EYA4: variants seen among roughly 807,000 people sequenced by gnomAD.
EYA4 encodes protein phosphatase EYA4.
In EYA4, 31 loss-of-function variants were observed where a neutral mutation model predicts 87.9. That is an observed-to-expected ratio of 0.35 (90% CI 0.27 to 0.48). The LOEUF is 0.48. EYA4 is among the 20% of genes least tolerant of loss of function. EYA4 has a pLI of 0.99. For synonymous variants in EYA4, 263 were observed against 270.6 expected (o/e 0.97, Z 0.28); for missense variants, 678 against 761.4 (o/e 0.89, Z 1.29).
chr6:133,329,545 C>T (rs1464669918), intron 2 of EYA4, among the ~76,000 whole-genome samples: 1 of 151,956 alleles, frequency 6.6e-6, no homozygotes, highest in Non-Finnish European at 1.5e-5. Context: ...TCAGTTAATA[C>T]AAAAATCTCA....
At chr6:133,262,733 T>C (rs1440467675) in intron 1 of EYA4, among the ~76,000 whole-genome samples, 2 of 152,122 alleles carry the variant, frequency 1.3e-5, no homozygotes, top group African/African-American at 4.8e-5. Context: ...TGAACCCCAT[T>C]ATCATTTTTT....
rs1023404874 is a variant in EYA4, at chr6:133,402,380, G to C, written c.83+19939G>C. ...TTATATTATCTTTATTCTCTAAGTA[G>C]TTGCTCTTCGTTATTTATTCATTGG... On this transcript the variant is annotated intron_variant, in intron 3 of 19. Coordinates refer to ENST00000355286, the MANE Select transcript of EYA4 (RefSeq NM_004100.5). Among the ~76,000 whole-genome samples, 7 of 152,244 alleles carry C rather than the reference G, an allele frequency of 4.6e-5. 1 individual carries two copies. The highest frequency in any genetic ancestry group is 3.9e-4 in the Admixed American group (6 of 15,282).
chr6:133,503,787 AC>A lies in EYA4; in HGVS notation c.1192-2317del, dbSNP rs1191841528. ...AAATGTTTTTTTTTTAATTTACACA[AC>A]CTTTAGAGATTTTATTTCAACAAAA... is the stretch of plus-strand genomic sequence containing the variant. On this transcript the variant is annotated intron_variant, in intron 13 of 19. Coordinates refer to ENST00000355286, the MANE Select transcript of EYA4 (RefSeq NM_004100.5). 3.9e-5 allele frequency among the ~76,000 whole-genome samples: 6 copies of A among 152,066 alleles called. No individual in the cohort carries two copies. The East Asian group carries it at 9.6e-4, about 24-fold the overall frequency.
At chr6:133,473,120 C>A (rs1354551209) in intron 11 of EYA4, among the ~76,000 whole-genome samples, 2 of 151,946 alleles carry the variant, frequency 1.3e-5, no homozygotes, top group African/African-American at 4.8e-5. Flanking sequence ...GTATATTTTT[C>A]TGCCTTCAGT....
intron 2 of EYA4, among the ~76,000 whole-genome samples, chr6:133,282,756 G>A (rs1324167023): frequency 1.3e-5 from 2 of 152,150 alleles, no homozygotes; most frequent in African/African-American, 2.4e-5. Context: ...CTACATCCGA[G>A]CTCATTGGAA....
chr6:133,272,670 C>A (rs1348256369), intron 1 of EYA4, among the ~76,000 whole-genome samples: 1 of 152,120 alleles, frequency 6.6e-6, no homozygotes, highest in Non-Finnish European at 1.5e-5. Context: ...GGGGGCCTGG[C>A]AAAGGCTCCA....
At chr6:133,411,704 G>A (rs1789255814) in intron 3 of EYA4, among the ~76,000 whole-genome samples, 1 of 152,020 alleles carries the variant, frequency 6.6e-6, no homozygotes, top group African/African-American at 2.4e-5. Flanking sequence ...ATATATCAGA[G>A]CACATAATAA....
chr6:133,299,965 AT>A (rs1434811898), intron 2 of EYA4, among the ~76,000 whole-genome samples: 1 of 149,076 alleles, frequency 6.7e-6, no homozygotes, highest in East Asian at 2.0e-4. Context: ...CTATATATAT[AT>A]ATATCTTTTG....
At chr6:133,339,109 C>G (rs1380345843) in intron 2 of EYA4, among the ~76,000 whole-genome samples, 1 of 152,104 alleles carries the variant, frequency 6.6e-6, no homozygotes, top group East Asian at 1.9e-4. Context: ...TCATATGTCT[C>G]TACATAAGTT....
intron 3 of EYA4, among the ~76,000 whole-genome samples, chr6:133,426,393 C>T (rs1436726321): frequency 6.6e-6 from 1 of 152,176 alleles, no homozygotes; most frequent in Non-Finnish European, 1.5e-5. Context: ...GTTGTAATAT[C>T]CCAGCCAACA....
At chr6:133,385,407 G>C (rs1480135997) in intron 3 of EYA4, among the ~76,000 whole-genome samples, 117 of 142,022 alleles carry the variant, frequency 8.2e-4, no homozygotes, top group African/African-American at 2.7e-3. Flanking sequence ...GTGTGTGTGT[G>C]TGTGTGTGTG....
At chr6:133,436,187 C>G (rs983407890) in intron 3 of EYA4, among the ~76,000 whole-genome samples, 11 of 151,878 alleles carry the variant, frequency 7.2e-5, no homozygotes, top group East Asian at 1.9e-4. Context: ...CCGTTGCACT[C>G]CAGCTCTGGG....
At chr6:133,496,058 A>G (rs1473287711) in intron 13 of EYA4, among the ~76,000 whole-genome samples, 1 of 152,214 alleles carries the variant, frequency 6.6e-6, no homozygotes, top group Non-Finnish European at 1.5e-5. Flanking sequence ...TCTATAACTA[A>G]GTTTAATCCC....
intron 3 of EYA4, among the ~76,000 whole-genome samples, chr6:133,428,911 C>CCTTT (rs1790918398): frequency 4.1e-5 from 2 of 48,232 alleles, no homozygotes; most frequent in Non-Finnish European, 3.6e-5. Context: ...GATTTAGCTT[C>CCTTT]TTTTTTTTTT....
intron 2 of EYA4, among the ~76,000 whole-genome samples, chr6:133,364,997 T>C (rs1246359025): frequency 6.6e-6 from 1 of 152,202 alleles, no homozygotes; most frequent in Non-Finnish European, 1.5e-5. Context: ...AAATTCAGGA[T>C]ATCATCCTGA....
At chr6:133,300,294 A>C (rs371759025) in intron 2 of EYA4, among the ~76,000 whole-genome samples, 99 of 152,002 alleles carry the variant, frequency 6.5e-4, no homozygotes, top group African/African-American at 2.0e-3. Context: ...GAGTGGACCC[A>C]CACAATTTAA....
intron 2 of EYA4, among the ~76,000 whole-genome samples, chr6:133,313,235 A>G (rs1466729355): frequency 6.6e-6 from 1 of 152,164 alleles, no homozygotes; most frequent in Non-Finnish European, 1.5e-5. Flanking sequence ...GGATAGAAGG[A>G]CATTGTTCCT....
chr6:133,448,037 C>A, intron 4 of EYA4, 74 bp from the exon 5 acceptor site: 1 of 1,155,552 alleles, frequency 8.7e-7, no homozygotes, highest in Non-Finnish European at 1.3e-6. Flanking sequence ...GAAACCAGTG[C>A]AAGCATTGAA....
At chr6:133,480,088 C>A (rs1419419216) in intron 11 of EYA4, among the ~76,000 whole-genome samples, 1 of 151,958 alleles carries the variant, frequency 6.6e-6, no homozygotes, top group African/African-American at 2.4e-5. Flanking sequence ...AGAGTTAAAT[C>A]CCCCAGATTG....
Sources: allele counts gnomAD v4.1 joint callset (sites outside exome capture counted in the v4.1 genomes callset), GRCh38; gene constraint gnomAD v4.1.1; transcripts MANE v1.5; gene names NCBI Gene and HGNC (gene_info 2026-07-23, HGNC 2026-07-21).